XXYLT1: variants seen among roughly 807,000 people sequenced by gnomAD.
The protein encoded by XXYLT1 is xyloside xylosyltransferase 1, also known as UDP-xylose:alpha-xyloside alpha-1,3-xylosyltransferase.
A neutral mutation model predicts 28.9 loss-of-function variants in XXYLT1; 20 were observed. The ratio of observed to expected loss-of-function variants is 0.69; its 90% CI spans 0.49 to 1.00. The LOEUF (loss-of-function observed/expected upper bound fraction) is 1.00, where lower values mean the gene tolerates loss of function less well. Among genes scored for constraint, XXYLT1 ranks in the 50% least tolerant of loss-of-function variants. XXYLT1 has a pLI of 0.00. For missense variants in XXYLT1, 542 were observed against 560.1 expected, an observed-to-expected ratio of 0.97 and a Z score of 0.33; for synonymous variants, 257 against 253.8, an observed-to-expected ratio of 1.01 and a Z score of -0.12.
Position 195,270,939 on chromosome 3 carries a change from G to C in XXYLT1, c.120C>G (p.Tyr40Ter). The C allele has an allele frequency of 6.7e-7, 1 of 1,489,244 alleles. No individual in the cohort carries two copies. The highest frequency in any genetic ancestry group is 8.9e-7 in the Non-Finnish European group (1 of 1,121,978). The allele number at this position is 1,489,244 out of a possible 1,614,324, so 92.3% of individuals were successfully genotyped here. Residue 40 changes from tyrosine to a stop codon, truncating the protein, a stop_gained, in exon 1 of 4, where the codon TAC becomes TAG. Coordinates refer to ENST00000310380, the MANE Select transcript of XXYLT1 (RefSeq NM_152531.5). LOFTEE classifies it high-confidence loss of function. ...AAALAVCAFY[Y>*]LGSGRETFSS... ...AGAAGGTCTCCCGGCCTGAGCCGAG[G>C]TAGTAGAAGGCGCAGACGGCCAGCG...
At chr3:195,170,803 G>A (rs116524701) in intron 2 of XXYLT1, among the ~76,000 whole-genome samples, 6,408 of 152,058 alleles carry the variant, frequency 0.042, 465 homozygotes, top group African/African-American at 0.15. Flanking sequence ...AGCACTTCGC[G>A]AGGCCAAGGC....
At chr3:195,204,026 G>C (rs899058809) in intron 2 of XXYLT1, among the ~76,000 whole-genome samples, 1 of 152,210 alleles carries the variant, frequency 6.6e-6, no homozygotes, top group African/African-American at 2.4e-5. Context: ...ATAGAGCTTA[G>C]AATTCACCAC....
At chr3:195,160,636 A>T (rs1720823018) in intron 2 of XXYLT1, among the ~76,000 whole-genome samples, 1 of 152,230 alleles carries the variant, frequency 6.6e-6, no homozygotes, top group African/African-American at 2.4e-5. Flanking sequence ...CGGGAGCCAA[A>T]GGGCAACTGA....
chr3:195,130,870 T>C (rs55751800), intron 3 of XXYLT1, among the ~76,000 whole-genome samples: 47,114 of 151,068 alleles, frequency 0.31, 8,232 homozygotes, highest in East Asian at 0.69. Context: ...TCGGAAGAGG[T>C]CTTTATGCTG....
Position 195,234,309 on chromosome 3 carries a change from A to ATTT in XXYLT1, c.505-7456_505-7454dup, listed in dbSNP as rs35536915. Among the ~76,000 whole-genome samples, 122 of 66,928 alleles carry ATTT rather than the reference A, an allele frequency of 1.8e-3. 4 individuals carry two copies. The highest frequency in any genetic ancestry group is 3.1e-3 in the Non-Finnish European group (113 of 36,598). The allele number at this position is 66,928 out of a possible 152,430, so 43.9% of individuals were successfully genotyped here. A position where few individuals can be genotyped will look rare whatever the true frequency, so the allele number is the denominator to read the frequency against. On this transcript the variant is annotated intron_variant, in intron 1 of 3. Coordinates refer to ENST00000310380, the MANE Select transcript of XXYLT1 (RefSeq NM_152531.5). ...TTTATTTCTCCTTCATGTTTGAAGG[A>ATTT]TTTTTTTTTTTTTTTTTTTTTTTTT...
chr3:195,187,508 G>A (rs1256337749), intron 2 of XXYLT1, among the ~76,000 whole-genome samples: 1 of 152,164 alleles, frequency 6.6e-6, no homozygotes, highest in African/African-American at 2.4e-5. Flanking sequence ...GGAGCCCTAA[G>A]AATACAGTCA....
intron 2 of XXYLT1, among the ~76,000 whole-genome samples, chr3:195,197,933 C>T (rs1468504285): frequency 6.6e-6 from 1 of 152,250 alleles, no homozygotes. Context: ...GCCTCACCCA[C>T]CAGTTAACTT....
chr3:195,249,602 C>T (rs1018243260), intron 1 of XXYLT1, among the ~76,000 whole-genome samples: 5 of 152,224 alleles, frequency 3.3e-5, no homozygotes, highest in South Asian at 2.1e-4. Context: ...GTGACTAGGT[C>T]GATGGCCAAA....
At position 195,240,532 on chromosome 3, in the gene XXYLT1, G is replaced by A. The variant is rs960876310; in HGVS notation, c.505-13676C>T. ...CGCAGCCACACTCCTGAGCCAAGAA[G>A]GCACGTGGCAAGGGCTGGCCCCACG... On this transcript the variant is annotated intron_variant, in intron 1 of 3. Transcript: ENST00000310380. The surrounding 1 kb of genome is among the most constrained non-coding windows in gnomAD (Gnocchi z 4.7). Among the ~76,000 whole-genome samples, 4 of 152,260 alleles carry A rather than the reference G, an allele frequency of 2.6e-5. No homozygotes were observed. The highest frequency in any genetic ancestry group is 9.6e-5 in the African/African-American group (4 of 41,468).
chr3:195,257,201 C>T lies in XXYLT1; in HGVS notation c.504+13354G>A, dbSNP rs1284987775. 2.0e-5 allele frequency among the ~76,000 whole-genome samples: 3 copies of T among 152,168 alleles called. No homozygotes were observed. Among genetic ancestry groups the T allele is most frequent in the South Asian group, 2.1e-4 (1 of 4,828 alleles). On this transcript the variant is annotated intron_variant, in intron 1 of 3. Coordinates refer to ENST00000310380, the MANE Select transcript of XXYLT1 (RefSeq NM_152531.5). This position sits in a 1 kb window ranked among gnomAD's most constrained non-coding sequence, Gnocchi z 4.3. The stretch of plus-strand genomic sequence containing the variant: ...GCATCGGTGCCCAGCCATCCCACCC[C>T]GGCCTTCCATGGCTGCACTCACACC...
chr3:195,144,470 G>A (rs566019187), intron 3 of XXYLT1, among the ~76,000 whole-genome samples: 7 of 151,714 alleles, frequency 4.6e-5, no homozygotes, highest in East Asian at 3.9e-4. Context: ...TCCGCCTCCC[G>A]GGTTCAAGTG....
In XXYLT1 at chr3:195,129,772, G is replaced by A. The variant is rs1049223970; in HGVS notation, c.785+26677C>T. 1.4e-4 allele frequency among the ~76,000 whole-genome samples: 21 copies of A among 152,190 alleles called. No homozygotes were observed. In the East Asian group the frequency reaches 3.5e-3, roughly 25 times the overall value. On this transcript the variant is annotated intron_variant, in intron 3 of 3. Coordinates refer to ENST00000310380, the MANE Select transcript of XXYLT1 (RefSeq NM_152531.5). The surrounding 1 kb of genome is among the most constrained non-coding windows in gnomAD (Gnocchi z 4.4). Reference sequence around the variant, plus strand: ...TGGCTATTATGACTCATGCTGATACGAACGTCCATTTGCATGTTAGTGTGT... The same window carrying A: ...TGGCTATTATGACTCATGCTGATACAAACGTCCATTTGCATGTTAGTGTGT...
At position 195,150,685 on chromosome 3, in the gene XXYLT1, T is replaced by C. The variant is rs1720157153; in HGVS notation, c.785+5764A>G. ...TGGGGAGAATGAAACCGGAAGCCTA[T>C]GCCGCCACCAACAAGCTCCCATTCA... is the stretch of plus-strand genomic sequence containing the variant. On this transcript the variant is annotated intron_variant, in intron 3 of 3. Transcript: ENST00000310380. This position sits in a 1 kb window ranked among gnomAD's most constrained non-coding sequence, Gnocchi z 4.7. 6.6e-6 allele frequency among the ~76,000 whole-genome samples: 1 copy of C among 152,136 alleles called. No individual in the cohort carries two copies. Among genetic ancestry groups the C allele is most frequent in the South Asian group, 2.1e-4 (1 of 4,826 alleles).
chr3:195,073,538 C>T (rs187630308), intron 3 of XXYLT1, among the ~76,000 whole-genome samples: 7 of 152,300 alleles, frequency 4.6e-5, no homozygotes, highest in Non-Finnish European at 7.4e-5. Flanking sequence ...ATTGTCTAAC[C>T]GTCCGGCCTG....
In XXYLT1 at chr3:195,077,786, G is replaced by A. The variant is rs1046627013; in HGVS notation, c.786-7675C>T. 4.1e-4 allele frequency among the ~76,000 whole-genome samples: 63 copies of A among 152,156 alleles called. No individual in the cohort carries two copies. Among genetic ancestry groups the A allele is most frequent in the African/African-American group, 1.4e-3 (60 of 41,434 alleles). On this transcript the variant is annotated intron_variant, in intron 3 of 3. Transcript: ENST00000310380. The surrounding 1 kb of genome is among the most constrained non-coding windows in gnomAD (Gnocchi z 4.8). ...CAGGCCTGAGGCCTCCACATGGCAC[G>A]GCACCACCAGGACCCCAAGGTTGCT...
At chr3:195,235,173 T>C (rs1724483369) in intron 1 of XXYLT1, among the ~76,000 whole-genome samples, 1 of 152,130 alleles carries the variant, frequency 6.6e-6, no homozygotes, top group Admixed American at 6.6e-5. Flanking sequence ...TGGGGCAATC[T>C]TGCCTCACTG....
At chr3:195,085,364 C>G (rs1186547675) in intron 3 of XXYLT1, among the ~76,000 whole-genome samples, 2 of 152,234 alleles carry the variant, frequency 1.3e-5, no homozygotes, top group African/African-American at 2.4e-5. Context: ...CGGCTCCAAG[C>G]TGGTTCAGAA....
chr3:195,110,253 A>AGG (rs1560100576), intron 3 of XXYLT1, among the ~76,000 whole-genome samples: 339 of 1,638 alleles, frequency 0.21, 134 homozygotes, highest in African/African-American at 0.44. Flanking sequence ...TGTGTGGGTG[A>AGG]AGTGTGTGTG....
At chr3:195,094,409 C>T (rs111823622) in intron 3 of XXYLT1, among the ~76,000 whole-genome samples, 40 of 152,330 alleles carry the variant, frequency 2.6e-4, no homozygotes, top group African/African-American at 2.2e-4. Context: ...CCTGCCCACA[C>T]GCATGCAGGC....
Sources: allele counts gnomAD v4.1 joint callset (sites outside exome capture counted in the v4.1 genomes callset), GRCh38; gene constraint gnomAD v4.1.1; non-coding constraint Gnocchi (gnomAD v3.1); transcripts MANE v1.5; gene names NCBI Gene and HGNC (gene_info 2026-07-23, HGNC 2026-07-21).